The following WNT2 variants were observed in gnomAD, a reference collection of about 807,000 sequenced individuals.
WNT2 encodes the protein Wnt family member 2.
In WNT2, 12 loss-of-function variants were observed where a neutral mutation model predicts 36.9. That is an observed-to-expected ratio of 0.33 (90% CI 0.21 to 0.53). The LOEUF (loss-of-function observed/expected upper bound fraction) is 0.53, where lower values mean the gene tolerates loss of function less well. WNT2 is among the 20% of genes least tolerant of loss of function. WNT2 has a pLI of 0.95. For synonymous variants in WNT2, 163 were observed against 174.6 expected, an observed-to-expected ratio of 0.93 and a Z score of 0.52; for missense variants, 379 against 473.1, an observed-to-expected ratio of 0.80 and a Z score of 1.84.
At chr7:117,299,831 A>G (rs932115946) in intron 3 of WNT2, among the ~76,000 whole-genome samples, 2 of 152,170 alleles carry the variant, frequency 1.3e-5, no homozygotes, top group African/African-American at 4.8e-5. Context: ...TTTCCAGATC[A>G]TAAACTTCAA....
chr7:117,295,198 T>G (rs116507989), intron 4 of WNT2, among the ~76,000 whole-genome samples: 2,428 of 152,304 alleles, frequency 0.016, 70 homozygotes, highest in African/African-American at 0.056. Flanking sequence ...GTCCCTGATC[T>G]GCCTCTTACT....
intron 2 of WNT2, among the ~76,000 whole-genome samples, chr7:117,316,626 C>T (rs1050443257): frequency 3.9e-5 from 6 of 152,138 alleles, no homozygotes; most frequent in East Asian, 1.9e-4. Flanking sequence ...GCAATATTTG[C>T]TCTGCTAGTC....
intron 3 of WNT2, among the ~76,000 whole-genome samples, chr7:117,301,420 G>A (rs1237716827): frequency 1.3e-5 from 2 of 152,164 alleles, no homozygotes; most frequent in African/African-American, 4.8e-5. Flanking sequence ...AGGATATGAG[G>A]GCAAGAAACT....
At chr7:117,283,233 G>A (rs754653618) in intron 4 of WNT2, among the ~76,000 whole-genome samples, 4 of 152,178 alleles carry the variant, frequency 2.6e-5, no homozygotes, top group African/African-American at 7.2e-5. Flanking sequence ...CTGAAGCCAC[G>A]GGTGTGAATG....
chr7:117,280,400 TGCTTGGG>T (rs1794460672), intron 4 of WNT2, among the ~76,000 whole-genome samples: 2 of 152,216 alleles, frequency 1.3e-5, no homozygotes, highest in South Asian at 4.1e-4. Context: ...CTGTGCCAGC[TGCTTGGG>T]GCTTGGGGCA....
chr7:117,318,389 T>C (rs1250104601), intron 2 of WNT2, among the ~76,000 whole-genome samples: 1 of 152,242 alleles, frequency 6.6e-6, no homozygotes, highest in African/African-American at 2.4e-5. Context: ...CATAAATGTC[T>C]GAGAGGGAAC....
intron 4 of WNT2, among the ~76,000 whole-genome samples, chr7:117,292,144 A>G (rs1170797892): frequency 6.6e-6 from 1 of 152,270 alleles, no homozygotes; most frequent in South Asian, 2.1e-4. Context: ...CTTGTAATTG[A>G]AAAGGGCTTC....
chr7:117,287,868 A>C lies in WNT2; in HGVS notation c.854-9484T>G, dbSNP rs965160583. The stretch of plus-strand genomic sequence containing the variant: ...CTGGCCATGGTGGTGGACACCTGTA[A>C]TCCCAGCTACTCGGGAGGCTGAGGC... On this transcript the variant is annotated intron_variant, in intron 4 of 4. Transcript: ENST00000265441. Among the ~76,000 whole-genome samples the C allele has an allele frequency of 7.2e-5, 11 of 151,976 alleles. No individual in the cohort carries two copies. The South Asian group carries it at 1.5e-3, about 20-fold the overall frequency.
intron 3 of WNT2, among the ~76,000 whole-genome samples, chr7:117,308,540 C>T (rs1795059589): frequency 6.6e-6 from 1 of 152,158 alleles, no homozygotes; most frequent in Non-Finnish European, 1.5e-5. Context: ...ATATCAAGCA[C>T]ATATTATTTT....
At chr7:117,311,501 G>A (rs1795122079) in intron 3 of WNT2, among the ~76,000 whole-genome samples, 2 of 152,282 alleles carry the variant, frequency 1.3e-5, no homozygotes, top group Non-Finnish European at 2.9e-5. Context: ...CATCTGAAAA[G>A]TAGAAATATG....
chr7:117,303,288 T>G (rs559861647), intron 3 of WNT2, among the ~76,000 whole-genome samples: 15 of 152,336 alleles, frequency 9.8e-5, no homozygotes, highest in African/African-American at 3.6e-4. Flanking sequence ...GAAGCTGGCA[T>G]TACATTTCTA....
chr7:117,286,097 C>T (rs1426106371), intron 4 of WNT2, among the ~76,000 whole-genome samples: 4 of 151,972 alleles, frequency 2.6e-5, no homozygotes, highest in Admixed American at 6.6e-5. Context: ...CATCCTGACT[C>T]GCACAAGAGC....
intron 2 of WNT2, among the ~76,000 whole-genome samples, chr7:117,319,684 G>T (rs1196760629): frequency 6.6e-6 from 1 of 152,178 alleles, no homozygotes. Flanking sequence ...ATTTGAAAAT[G>T]AAATATGATT....
intron 4 of WNT2, among the ~76,000 whole-genome samples, chr7:117,291,924 T>G (rs550141834): frequency 6.6e-6 from 1 of 152,102 alleles, no homozygotes; most frequent in South Asian, 2.1e-4. Context: ...ATTACAGGCA[T>G]GCACCACCAC....
At chr7:117,295,727 G>A (rs573362113) in intron 4 of WNT2, among the ~76,000 whole-genome samples, 2 of 152,272 alleles carry the variant, frequency 1.3e-5, no homozygotes, top group South Asian at 4.1e-4. Flanking sequence ...CTGTCTAATG[G>A]GTCAAAGCAC....
intron 3 of WNT2, among the ~76,000 whole-genome samples, chr7:117,304,431 C>CT (rs1794974090): frequency 8.5e-6 from 1 of 117,162 alleles, no homozygotes. Flanking sequence ...CTCTCCTCCA[C>CT]ATTTTTTTTT....
chr7:117,296,954 G>A (rs1006977879), intron 4 of WNT2, among the ~76,000 whole-genome samples: 80 of 152,158 alleles, frequency 5.3e-4, no homozygotes, highest in African/African-American at 1.9e-3. Context: ...GCAGATTTCA[G>A]AAGAGTCTAA....
chr7:117,305,650 G>A (rs1361896188), intron 3 of WNT2, among the ~76,000 whole-genome samples: 1 of 152,202 alleles, frequency 6.6e-6, no homozygotes, highest in South Asian at 2.1e-4. Context: ...TTGCTTTCTG[G>A]TGAGTTGGCA....
chr7:117,280,998 T>C (rs1794474008), intron 4 of WNT2, among the ~76,000 whole-genome samples: 1 of 152,198 alleles, frequency 6.6e-6, no homozygotes, highest in Non-Finnish European at 1.5e-5. Context: ...GTATTAATAG[T>C]AGCAAATAGA....
Sources: gnomAD v4.1 joint callset for allele counts (sites outside exome capture counted in the v4.1 genomes callset) on GRCh38, gnomAD v4.1.1 for gene constraint, MANE v1.5 for transcripts, NCBI Gene and HGNC (gene_info 2026-07-23, HGNC 2026-07-21) for gene names.